MCM9: variants seen among roughly 807,000 people sequenced by gnomAD.
The protein encoded by MCM9 is DNA helicase MCM9.
A neutral mutation model predicts 72.8 loss-of-function variants in MCM9; 55 were observed. That is an observed-to-expected ratio of 0.76 (90% confidence interval 0.61 to 0.95). The LOEUF is 0.95. Among genes scored for constraint, MCM9 ranks in the 40% least tolerant of loss-of-function variants. The pLI is 0.00. For missense variants in MCM9, 1,279 were observed against 1,377.0 expected (o/e 0.93, Z 1.13); for synonymous variants, 480 against 503.4 (o/e 0.95, Z 0.62).
At position 118,828,063 on chromosome 6, in the gene MCM9, C is replaced by G. The variant is rs1400305322; in HGVS notation, c.1596G>C (p.Arg532Ser). Residue 532 changes from arginine (R) to serine (S), a missense_variant, in exon 11 of 14, where the codon AGG (arginine) becomes AGC (serine). Coordinates refer to ENST00000619706, the MANE Select transcript of MCM9 (RefSeq NM_017696.3). ...EKMKTYFCLI[R>S]NLQPTLSDVG... ...CATCAGACAGTGTGGGCTGCAGATT[C>G]CTTATGAGGCAGAAATAGGTTTTCA... 6.4e-7 allele frequency: 1 copy of G among 1,550,666 alleles called. No homozygotes were observed. The highest frequency in any genetic ancestry group is 2.0e-5 in the Admixed American group (1 of 50,996).
At chr6:118,837,351 T>C (rs985307355) in intron 9 of MCM9, among the ~76,000 whole-genome samples, 2 of 152,242 alleles carry the variant, frequency 1.3e-5, no homozygotes, top group Non-Finnish European at 2.9e-5. Context: ...TCTGTTCATT[T>C]GGGCTGGAGA....
intron 9 of MCM9, among the ~76,000 whole-genome samples, chr6:118,848,430 C>T (rs1466131682): frequency 6.6e-6 from 1 of 151,796 alleles, no homozygotes; most frequent in Non-Finnish European, 1.5e-5. Context: ...CAATCTGTTA[C>T]AATAAATAAA....
At chr6:118,859,792 T>C (rs573316507) in intron 8 of MCM9, among the ~76,000 whole-genome samples, 20 of 152,176 alleles carry the variant, frequency 1.3e-4, no homozygotes, top group Non-Finnish European at 2.4e-4. Flanking sequence ...TTCTTAACAA[T>C]GCCTGTCCTC....
At chr6:118,881,915 AGGTGAATGT>A (rs1778310281) in intron 8 of MCM9, among the ~76,000 whole-genome samples, 1 of 152,180 alleles carries the variant, frequency 6.6e-6, no homozygotes, top group Non-Finnish European at 1.5e-5. Context: ...GCTTCACTAC[AGGTGAATGT>A]GGTCAAGAAG....
chr6:118,822,800 G>A (rs1326510909), intron 13 of MCM9, among the ~76,000 whole-genome samples: 6 of 152,216 alleles, frequency 3.9e-5, no homozygotes, highest in Admixed American at 2.6e-4. Context: ...CTTTCTTTCA[G>A]AGATGCCCTG....
rs1328013786 is a variant in MCM9, at chr6:118,892,413, CACTT to C, written c.1150+19233_1150+19236del. ...AGTTTTACAACTAGTCTCATTGTAA[CACTT>C]ACGGTCAGACTGCAAAATGCACGTG... On this transcript the variant is annotated intron_variant, in intron 8 of 13. Coordinates refer to ENST00000619706, the MANE Select transcript of MCM9 (RefSeq NM_017696.3). Among the ~76,000 whole-genome samples, 32 of 152,200 alleles carry C rather than the reference CACTT, an allele frequency of 2.1e-4. 1 individual carries two copies. Among genetic ancestry groups the C allele is most frequent in the African/African-American group, 7.7e-4 (32 of 41,434 alleles).
At position 118,906,175 on chromosome 6, in the gene MCM9, C is replaced by T. The variant is rs142853433; in HGVS notation, c.1150+5475G>A. Among the ~76,000 whole-genome samples, 361 of 152,200 alleles carry T rather than the reference C, an allele frequency of 2.4e-3. 1 individual carries two copies. The highest frequency in any genetic ancestry group is 7.6e-3 in the African/African-American group (314 of 41,530). ...GCAACCTCTGCCTCCTAGGTTCAAG[C>T]GATTCTCCTGTCTCAGCCTCCCAAG... On this transcript the variant is annotated intron_variant, in intron 8 of 13. Coordinates refer to ENST00000619706, the MANE Select transcript of MCM9 (RefSeq NM_017696.3).
intron 8 of MCM9, among the ~76,000 whole-genome samples, chr6:118,888,211 G>A (rs545673820): frequency 1.3e-5 from 2 of 152,314 alleles, no homozygotes; most frequent in African/African-American, 4.8e-5. Context: ...TGGTGGCCGG[G>A]CATGGTGGCT....
At chr6:118,833,422 T>C (rs1774730834) in intron 9 of MCM9, among the ~76,000 whole-genome samples, 2 of 152,166 alleles carry the variant, frequency 1.3e-5, no homozygotes, top group Admixed American at 1.3e-4. Flanking sequence ...AGATTGAGCA[T>C]GAAATCTGCT....
At position 118,826,915 on chromosome 6, in the gene MCM9, G is replaced by C. The variant is rs914371614; in HGVS notation, c.1733-51C>G. The C allele has an allele frequency of 5.0e-6, 7 of 1,401,084 alleles. No homozygotes were observed. In the East Asian group the frequency reaches 1.7e-4, roughly 35 times the overall value. 86.8% of individuals were successfully genotyped at this position (1,401,084 alleles called of 1,614,324 possible). Reference sequence around the variant, plus strand: ...TTTAGGAATATTTGAGGTGAGAAATGTAATTCTCTAACTTCCTCCTCCTCA... The same window carrying C: ...TTTAGGAATATTTGAGGTGAGAAATCTAATTCTCTAACTTCCTCCTCCTCA... On this transcript the variant is annotated intron_variant, in intron 11 of 13. Transcript: ENST00000619706.
intron 6 of MCM9, among the ~76,000 whole-genome samples, chr6:118,916,142 T>C (rs1447023884): frequency 6.6e-6 from 1 of 151,472 alleles, no homozygotes; most frequent in Non-Finnish European, 1.5e-5. Flanking sequence ...CGCTTGAGCC[T>C]AGGAGTTCAA....
chr6:118,878,802 ATC>A lies in MCM9; in HGVS notation c.1151-22259_1151-22258del, dbSNP rs1307814727. Among the ~76,000 whole-genome samples, 7 of 152,310 alleles carry A rather than the reference ATC, an allele frequency of 4.6e-5. No individual in the cohort carries two copies. In the East Asian group the frequency reaches 1.2e-3, roughly 25 times the overall value. On this transcript the variant is annotated intron_variant, in intron 8 of 13. Coordinates refer to ENST00000619706, the MANE Select transcript of MCM9 (RefSeq NM_017696.3). ...CTGGGCACAGTGGCTTACACCTGTA[ATC>A]CCAGCACTTTGGGAGGCTGAGGTGG...
intron 9 of MCM9, among the ~76,000 whole-genome samples, chr6:118,847,358 G>A (rs1208885181): frequency 1.4e-5 from 2 of 144,920 alleles, no homozygotes; most frequent in Non-Finnish European, 3.0e-5. Context: ...CTATTTGGGC[G>A]ATGGGCCCTA....
chr6:118,915,563 C>T (rs1166579202), intron 6 of MCM9, among the ~76,000 whole-genome samples: 1 of 152,160 alleles, frequency 6.6e-6, no homozygotes, highest in African/African-American at 2.4e-5. Context: ...CCCACAGGAT[C>T]AGGTCTTAAG....
At chr6:118,907,834 GA>G in intron 8 of MCM9, 2 of 469,394 alleles carry the variant, frequency 4.3e-6, no homozygotes, top group South Asian at 6.1e-5. Flanking sequence ...TATTTGTTCT[GA>G]AACTAATCTG....
intron 8 of MCM9, among the ~76,000 whole-genome samples, chr6:118,883,108 A>C (rs1174223621): frequency 6.6e-6 from 1 of 151,458 alleles, no homozygotes; most frequent in African/African-American, 2.4e-5. Context: ...ACAATGTCTC[A>C]ACAAATAGAG....
chr6:118,894,358 G>A, intron 8 of MCM9: 2 of 1,533,984 alleles, frequency 1.3e-6, no homozygotes, highest in South Asian at 1.2e-5. Flanking sequence ...CCGCGCGCTG[G>A]ACTTTATTGT....
intron 6 of MCM9, among the ~76,000 whole-genome samples, chr6:118,915,171 TTG>T (rs1253126779): frequency 1.3e-5 from 2 of 152,180 alleles, no homozygotes; most frequent in Admixed American, 1.3e-4. Flanking sequence ...GCCAAATGTG[TTG>T]TCTAAGTTGA....
At chr6:118,917,519 A>C in intron 6 of MCM9, 42 bp downstream of exon 6, 3 of 1,553,954 alleles carry the variant, frequency 1.9e-6, no homozygotes, top group Non-Finnish European at 2.7e-6. Flanking sequence ...CACTGAATGT[A>C]ATACCATTAA....
Sources: allele counts gnomAD v4.1 joint callset (sites outside exome capture counted in the v4.1 genomes callset), GRCh38; gene constraint gnomAD v4.1.1; transcripts MANE v1.5; gene names NCBI Gene and HGNC (gene_info 2026-07-23, HGNC 2026-07-21).